Variants in KCNMB4 observed in about 807,000 individuals in gnomAD.
KCNMB4 encodes the protein calcium-activated potassium channel subunit beta-4.
Under a neutral mutation model 20.7 loss-of-function variants are expected in KCNMB4, and 3 were observed. That is an observed-to-expected ratio of 0.14 (90% CI 0.07 to 0.37). The LOEUF is 0.37. KCNMB4 is among the 10% of genes least tolerant of loss of function. The pLI, the probability that KCNMB4 is intolerant of heterozygous loss-of-function variation, is 1.00. For missense variants in KCNMB4, 168 were observed against 265.9 expected (o/e 0.63, Z 2.56); for synonymous variants, 110 against 113.4 (o/e 0.97, Z 0.19).
At chr12:70,417,621 T>A (rs1282738722) in intron 2 of KCNMB4, among the ~76,000 whole-genome samples, 2 of 152,222 alleles carry the variant, frequency 1.3e-5, no homozygotes, top group Non-Finnish European at 2.9e-5. Flanking sequence ...CATGCCTGTT[T>A]ATGCAAATAC....
intron 2 of KCNMB4, among the ~76,000 whole-genome samples, chr12:70,414,817 A>G (rs1013077087): frequency 6.6e-6 from 1 of 152,174 alleles, no homozygotes; most frequent in Non-Finnish European, 1.5e-5. Context: ...AAGAATTTAA[A>G]ATTTATTCCT....
intron 2 of KCNMB4, among the ~76,000 whole-genome samples, chr12:70,424,801 C>G (rs188560806): frequency 2.9e-4 from 44 of 152,132 alleles, no homozygotes; most frequent in African/African-American, 1.0e-3. Flanking sequence ...TCTCTGTAGT[C>G]CCACTATAAT....
At chr12:70,430,347 T>TA in intron 2 of KCNMB4, 138 bp from the exon 3 acceptor site, 1 of 853,406 alleles carries the variant, frequency 1.2e-6, no homozygotes, top group Non-Finnish European at 1.8e-6. Flanking sequence ...AGCACAAAAA[T>TA]ACAGTGTTTA....
At chr12:70,419,711 C>G (rs768061084) in intron 2 of KCNMB4, among the ~76,000 whole-genome samples, 87 of 152,158 alleles carry the variant, frequency 5.7e-4, no homozygotes, top group Non-Finnish European at 3.7e-4. Flanking sequence ...AACCAAGAAT[C>G]TTTGGGCACA....
chr12:70,379,692 A>C (rs1212219417), intron 1 of KCNMB4, among the ~76,000 whole-genome samples: 1 of 152,334 alleles, frequency 6.6e-6, no homozygotes, highest in East Asian at 1.9e-4. Context: ...GATTACAGGC[A>C]TGAGCCACCA....
intron 1 of KCNMB4, among the ~76,000 whole-genome samples, chr12:70,395,951 T>C (rs1334689767): frequency 6.6e-6 from 1 of 152,118 alleles, no homozygotes; most frequent in South Asian, 2.1e-4. Context: ...TTCACCTAAG[T>C]GAAATTACAT....
intron 2 of KCNMB4, among the ~76,000 whole-genome samples, chr12:70,425,357 A>G (rs1383697722): frequency 6.6e-6 from 1 of 151,976 alleles, no homozygotes; most frequent in African/African-American, 2.4e-5. Context: ...AGAATGGCGT[A>G]AACTCAGGAG....
At chr12:70,394,421 T>C (rs1266500994) in intron 1 of KCNMB4, among the ~76,000 whole-genome samples, 1 of 152,186 alleles carries the variant, frequency 6.6e-6, no homozygotes, top group Non-Finnish European at 1.5e-5. Context: ...TAACCTTGCT[T>C]TTCACATTTT....
intron 1 of KCNMB4, among the ~76,000 whole-genome samples, chr12:70,368,112 A>G (rs1306401602): frequency 2.0e-5 from 3 of 152,030 alleles, no homozygotes; most frequent in African/African-American, 7.2e-5. Flanking sequence ...AGTTACTGAC[A>G]TTTTTCCTTT....
intron 1 of KCNMB4, among the ~76,000 whole-genome samples, chr12:70,368,760 CA>C (rs557235065): frequency 6.6e-6 from 1 of 152,118 alleles, no homozygotes; most frequent in African/African-American, 2.4e-5. Flanking sequence ...TCTATATATA[CA>C]TATATATGCA....
chr12:70,367,257 G>A (rs1201478873), intron 1 of KCNMB4, among the ~76,000 whole-genome samples, 187 bp downstream of exon 1: 1 of 152,056 alleles, frequency 6.6e-6, no homozygotes, highest in Non-Finnish European at 1.5e-5. Context: ...CTTTTCAGGT[G>A]GGTTTACGCG....
intron 1 of KCNMB4, among the ~76,000 whole-genome samples, chr12:70,393,480 T>C (rs1327617659): frequency 6.6e-6 from 1 of 152,092 alleles, no homozygotes; most frequent in Non-Finnish European, 1.5e-5. Context: ...GGATTACAGG[T>C]GTGAGCCACC....
chr12:70,372,324 T>C (rs548925787), intron 1 of KCNMB4, among the ~76,000 whole-genome samples: 7 of 152,296 alleles, frequency 4.6e-5, no homozygotes, highest in African/African-American at 1.4e-4. Flanking sequence ...ACTTAGACTT[T>C]TAAAAAATGC....
At chr12:70,409,032 C>G (rs959398135) in intron 2 of KCNMB4, among the ~76,000 whole-genome samples, 1 of 152,162 alleles carries the variant, frequency 6.6e-6, no homozygotes, top group Admixed American at 6.5e-5. Flanking sequence ...ACTATTCATT[C>G]TTCAATTCCC....
intron 1 of KCNMB4, among the ~76,000 whole-genome samples, chr12:70,389,110 T>C (rs1565857979): frequency 1.3e-5 from 2 of 152,164 alleles, no homozygotes; most frequent in Non-Finnish European, 2.9e-5. Flanking sequence ...CATTTTCCTC[T>C]CTTTATTCTT....
chr12:70,367,198 C>G, intron 1 of KCNMB4, 128 bp downstream of exon 1: 1 of 682,090 alleles, frequency 1.5e-6, no homozygotes. Flanking sequence ...GTGGCGCAGG[C>G]TGTGCTCAAA....
intron 1 of KCNMB4, among the ~76,000 whole-genome samples, chr12:70,395,288 TTCC>T (rs1868341446): frequency 6.6e-6 from 1 of 152,084 alleles, no homozygotes; most frequent in Admixed American, 6.6e-5. Flanking sequence ...AGAAACAAAT[TTCC>T]TCATTTCTGT....
intron 1 of KCNMB4, among the ~76,000 whole-genome samples, chr12:70,379,795 C>T (rs1045926371): frequency 2.6e-5 from 4 of 152,208 alleles, no homozygotes; most frequent in African/African-American, 7.2e-5. Flanking sequence ...AGCTTCCTCA[C>T]TTCTGGCAGC....
At chr12:70,410,616 G>A (rs1354651884) in intron 2 of KCNMB4, among the ~76,000 whole-genome samples, 1 of 152,112 alleles carries the variant, frequency 6.6e-6, no homozygotes, top group Non-Finnish European at 1.5e-5. Context: ...TTCTGTTTTG[G>A]TTTTGTAAGA....
Sources: allele counts gnomAD v4.1 joint callset (sites outside exome capture counted in the v4.1 genomes callset), GRCh38; gene constraint gnomAD v4.1.1; transcripts MANE v1.5; gene names NCBI Gene and HGNC (gene_info 2026-07-23, HGNC 2026-07-21).